Variants in NOX3 observed in about 807,000 individuals in gnomAD.
NOX3 encodes the protein NADPH oxidase catalytic subunit-like 3.
NOX3 carries 74 observed loss-of-function variants against 76.7 expected under a neutral mutation model. The observed-to-expected ratio is 0.96, with a 90% CI of 0.80 to 1.17. The LOEUF is 1.17. Ranked by LOEUF, NOX3 falls within the 50% of genes most tolerant of loss-of-function variation. The pLI is 0.00. For synonymous variants in NOX3, 263 were observed against 261.1 expected, an observed-to-expected ratio of 1.01 and a Z score of -0.07; for missense variants, 695 against 703.3, an observed-to-expected ratio of 0.99 and a Z score of 0.13.
At chr6:155,402,480 C>A (rs1438292508) in intron 12 of NOX3, among the ~76,000 whole-genome samples, 2 of 152,122 alleles carry the variant, frequency 1.3e-5, no homozygotes, top group African/African-American at 4.8e-5. Context: ...ATAGAACACA[C>A]TTTTCTATTT....
intron 6 of NOX3, among the ~76,000 whole-genome samples, chr6:155,438,619 A>G (rs1030357000): frequency 3.3e-5 from 5 of 152,288 alleles, no homozygotes; most frequent in Admixed American, 3.3e-4. Context: ...AAGGGTGAGG[A>G]GGGAGATTGG....
In NOX3 at chr6:155,422,866, T is replaced by C. The variant is rs769295136; in HGVS notation, c.1146-10A>G. ...CCCGTCCACTGCCAGCCTGGAATCATAGAGGAATGCAGCCTATTTGACCTT... is the reference window on the plus strand; with the variant it reads ...CCCGTCCACTGCCAGCCTGGAATCACAGAGGAATGCAGCCTATTTGACCTT... On this transcript the variant is annotated splice_polypyrimidine_tract_variant and intron_variant, in intron 9 of 13. Coordinates refer to ENST00000159060, the MANE Select transcript of NOX3 (RefSeq NM_015718.3). The C allele has an allele frequency of 9.3e-6, 15 of 1,613,792 alleles. No homozygotes were observed. Among genetic ancestry groups the C allele is most frequent in the Non-Finnish European group, 1.1e-5 (13 of 1,179,846 alleles).
intron 5 of NOX3, among the ~76,000 whole-genome samples, chr6:155,441,500 T>G (rs1186692643): frequency 6.6e-6 from 1 of 152,198 alleles, no homozygotes; most frequent in Non-Finnish European, 1.5e-5. Flanking sequence ...ATTTATAGAC[T>G]GGTTACAGTT....
chr6:155,455,197 G>T lies in NOX3; in HGVS notation c.49-68C>A, dbSNP rs1255163000. 4.1e-6 allele frequency: 4 copies of T among 984,374 alleles called. No homozygotes were observed. The East Asian group carries it at 7.3e-5, about 18-fold the overall frequency. 61.0% of individuals were successfully genotyped at this position (984,374 alleles called of 1,614,324 possible). A position where few individuals can be genotyped will look rare whatever the true frequency, so the allele number is the denominator to read the frequency against. The stretch of plus-strand genomic sequence containing the variant: ...GCTTTTTCTCTATTCAAAATCACTT[G>T]GGGTTCTTCTTTTAAAGTGGAATGA... On this transcript the variant is annotated intron_variant, in intron 1 of 13. Transcript: ENST00000159060.
At position 155,453,391 on chromosome 6, in the gene NOX3, A is replaced by G; in HGVS notation, c.340+13T>C. 3 of 1,588,986 alleles carry G rather than the reference A, an allele frequency of 1.9e-6. No homozygotes were observed. Among genetic ancestry groups the G allele is most frequent in the Non-Finnish European group, 2.6e-6 (3 of 1,157,100 alleles). ...ATATTGTAAAATCCATTGAGCAATTAATAAGTACTTACTTGCATTAACAGC... is the reference window on the plus strand; with the variant it reads ...ATATTGTAAAATCCATTGAGCAATTGATAAGTACTTACTTGCATTAACAGC... On this transcript the variant is annotated intron_variant, in intron 4 of 13. Transcript: ENST00000159060.
At chr6:155,449,299 C>G (rs771731885) in intron 4 of NOX3, among the ~76,000 whole-genome samples, 4 of 152,164 alleles carry the variant, frequency 2.6e-5, no homozygotes, top group Non-Finnish European at 5.9e-5. Context: ...GCTGCCGACT[C>G]TGCCAGGGAG....
chr6:155,421,931 A>G (rs1198118882), intron 10 of NOX3, among the ~76,000 whole-genome samples: 1 of 152,208 alleles, frequency 6.6e-6, no homozygotes, highest in African/African-American at 2.4e-5. Flanking sequence ...TGGTTTACAC[A>G]TTGAGACCTG....
rs1194938872 is a variant in NOX3, at chr6:155,440,027, G to A, written c.597C>T (p.Ser199=). 1 of 1,613,958 alleles carries A rather than the reference G, an allele frequency of 6.2e-7. No individual in the cohort carries two copies. Among genetic ancestry groups the A allele is most frequent in the African/African-American group, 1.3e-5 (1 of 74,890 alleles). Reference sequence around the variant, plus strand: ...GGTGTGTGTACCAGAACAACTCATAGGAGGCCTGTCTGATGAACTCAGTTG... The same window carrying A: ...GGTGTGTGTACCAGAACAACTCATAAGAGGCCTGTCTGATGAACTCAGTTG... ...TSSTEFIRQA[S]YELFWYTHHV... is the part of the protein sequence containing the mutation. The change falls in exon 6 of 14, where the codon TCC becomes TCT. Residue 199 remains serine, a synonymous_variant. Coordinates refer to ENST00000159060, the MANE Select transcript of NOX3 (RefSeq NM_015718.3).
At chr6:155,453,739 C>A (rs1051534468) in intron 3 of NOX3, among the ~76,000 whole-genome samples, 6 of 152,100 alleles carry the variant, frequency 3.9e-5, no homozygotes, top group Admixed American at 2.0e-4. Flanking sequence ...AATAAGCCTG[C>A]CAAAATACAT....
At chr6:155,411,420 C>G (rs1776550469) in intron 10 of NOX3, 60 bp from the exon 11 acceptor site, 1 of 1,490,234 alleles carries the variant, frequency 6.7e-7, no homozygotes, top group Non-Finnish European at 9.1e-7. Flanking sequence ...CTGATAATCA[C>G]AGACTACTTT....
At chr6:155,439,927 C>A (rs1004488100) in intron 6 of NOX3, 29 bp downstream of exon 6, 1 of 1,580,146 alleles carries the variant, frequency 6.3e-7, no homozygotes, top group South Asian at 1.2e-5. Context: ...GAGATAAAAT[C>A]CTTGCAGAGG....
At chr6:155,417,233 C>A (rs1776632520) in intron 10 of NOX3, among the ~76,000 whole-genome samples, 1 of 152,030 alleles carries the variant, frequency 6.6e-6, no homozygotes, top group Non-Finnish European at 1.5e-5. Flanking sequence ...ACACACACAC[C>A]CCTATTTATG....
At chr6:155,404,110 AATAT>A (rs762930879) in intron 12 of NOX3, among the ~76,000 whole-genome samples, 4,803 of 131,222 alleles carry the variant, frequency 0.037, 92 homozygotes, top group African/African-American at 0.072. Flanking sequence ...TTTATCAGTG[AATAT>A]ATATATATAT....
chr6:155,440,043 A>C lies in NOX3; in HGVS notation c.581T>G (p.Phe194Cys). Residue 194 changes from phenylalanine (F) to cysteine (C), a missense_variant, in exon 6 of 14, where the codon TTC (phenylalanine) becomes TGC (cysteine). Physicochemically the swap from Phe to Cys is radical, Grantham distance 205. Coordinates refer to ENST00000159060, the MANE Select transcript of NOX3 (RefSeq NM_015718.3). ...CAACTCATAGGAGGCCTGTCTGATG[A>C]ACTCAGTTGACGAGGTCATGATCAA... ...LVLIMTSSTE[F>C]IRQASYELFW... 1 of 1,614,100 alleles carries C rather than the reference A, an allele frequency of 6.2e-7. No homozygotes were observed. Among genetic ancestry groups the C allele is most frequent in the Non-Finnish European group, 8.5e-7 (1 of 1,179,998 alleles).
rs143177002 is a variant in NOX3, at chr6:155,440,054, C to T, written c.570G>A (p.Ser190=). ...AGGCCTGTCTGATGAACTCAGTTGA[C>T]GAGGTCATGATCAAGACTAAAGCCA... ...ISLALVLIMT[S]STEFIRQASY... The change falls in exon 6 of 14, where the codon TCG becomes TCA. Residue 190 remains serine (S), a synonymous_variant. Coordinates refer to ENST00000159060, the MANE Select transcript of NOX3 (RefSeq NM_015718.3). The T allele has an allele frequency of 6.8e-5, 109 of 1,613,672 alleles. No individual in the cohort carries two copies. Among genetic ancestry groups the T allele is most frequent in the African/African-American group, 1.7e-4 (13 of 74,846 alleles).
intron 4 of NOX3, among the ~76,000 whole-genome samples, 157 bp from the exon 5 acceptor site, chr6:155,443,575 G>A (rs1228044322): frequency 1.3e-5 from 2 of 152,168 alleles, no homozygotes; most frequent in Admixed American, 1.3e-4. Context: ...AGTGCTTTGA[G>A]TGGAGTGGAT....
intron 9 of NOX3, among the ~76,000 whole-genome samples, chr6:155,427,963 C>T (rs561067120): frequency 4.6e-5 from 7 of 152,268 alleles, no homozygotes; most frequent in East Asian, 1.9e-4. Context: ...TGCAGTGGCG[C>T]GATCTCGGCT....
intron 10 of NOX3, among the ~76,000 whole-genome samples, chr6:155,413,157 G>T (rs760609985): frequency 3.3e-5 from 5 of 152,120 alleles, no homozygotes; most frequent in Non-Finnish European, 7.3e-5. Flanking sequence ...GGAGATTCAT[G>T]TCCCCTCTTC....
intron 13 of NOX3, 133 bp downstream of exon 13, chr6:155,396,676 T>C (rs554660351): frequency 3.5e-6 from 2 of 570,854 alleles, no homozygotes; most frequent in African/African-American, 3.8e-5. Flanking sequence ...GTGGCAATGT[T>C]GGCACTTTAC....
Sources: gnomAD v4.1 joint callset for allele counts (sites outside exome capture counted in the v4.1 genomes callset) on GRCh38, gnomAD v4.1.1 for gene constraint, MANE v1.5 for transcripts, NCBI Gene and HGNC (gene_info 2026-07-23, HGNC 2026-07-21) for gene names.